Variants in ITGA11 observed in about 807,000 individuals in gnomAD.
ITGA11 encodes integrin alpha-11.
A neutral mutation model predicts 141.9 loss-of-function variants in ITGA11; 97 were observed. That is an observed-to-expected ratio of 0.68 (90% CI 0.58 to 0.81). The LOEUF (loss-of-function observed/expected upper bound fraction) is 0.81. Ranked by LOEUF, ITGA11 falls within the 30% of genes least tolerant of loss-of-function variation. The pLI is 0.00. For missense variants in ITGA11, 1,387 were observed against 1,559.2 expected (o/e 0.89, Z 1.86); for synonymous variants, 658 against 624.6 (o/e 1.05, Z -0.80).
At chr15:68,336,901 G>GTCAGGCTATAGGGTGTACAGA (rs1438696298) in intron 11 of ITGA11, among the ~76,000 whole-genome samples, 3 of 152,208 alleles carry the variant, frequency 2.0e-5, no homozygotes, top group African/African-American at 7.2e-5. Context: ...GTGCCTGGGG[G>GTCAGGCTATAGGGTGTACAGA]TGAACTGCTC....
chr15:68,362,431 G>A lies in ITGA11; in HGVS notation c.358-727C>T, dbSNP rs146071225. 2.3e-4 allele frequency among the ~76,000 whole-genome samples: 35 copies of A among 152,256 alleles called. 1 individual carries two copies. The highest frequency in any genetic ancestry group is 8.4e-4 in the African/African-American group (35 of 41,558). ...CTTTCTTTAATTACTTTCTTTTTAA[G>A]CTCAGATCTTAAAGGTTATGTTTTA... On this transcript the variant is annotated intron_variant, in intron 4 of 29. Transcript: ENST00000315757.
At chr15:68,392,034 T>C (rs1352601672) in intron 2 of ITGA11, among the ~76,000 whole-genome samples, 2 of 152,198 alleles carry the variant, frequency 1.3e-5, no homozygotes, top group South Asian at 2.1e-4. Flanking sequence ...AGTAAGTTCT[T>C]TGAGCACCTA....
intron 4 of ITGA11, chr15:68,362,044 CT>C: frequency 4.0e-6 from 1 of 249,436 alleles, no homozygotes; most frequent in Middle Eastern, 1.5e-3. Flanking sequence ...CTGGGGAAGC[CT>C]TTTCACCCAC....
chr15:68,413,002 G>A (rs1228544576), intron 1 of ITGA11, among the ~76,000 whole-genome samples: 1 of 152,088 alleles, frequency 6.6e-6, no homozygotes, highest in Non-Finnish European at 1.5e-5. Flanking sequence ...AGAACAAGCA[G>A]GAATTTTCCA....
chr15:68,387,368 G>A (rs1896011668), intron 2 of ITGA11, among the ~76,000 whole-genome samples: 2 of 152,170 alleles, frequency 1.3e-5, no homozygotes, highest in African/African-American at 4.8e-5. Flanking sequence ...CAACCGCTAA[G>A]TGTGTGGTTC....
intron 1 of ITGA11, among the ~76,000 whole-genome samples, chr15:68,403,869 T>C (rs1355081366): frequency 1.3e-5 from 2 of 151,992 alleles, no homozygotes; most frequent in African/African-American, 4.8e-5. Flanking sequence ...TCTTTATAAA[T>C]TACTCAGTCT....
intron 28 of ITGA11, among the ~76,000 whole-genome samples, chr15:68,306,360 G>A (rs575956692): frequency 3.1e-4 from 47 of 152,038 alleles, no homozygotes; most frequent in Middle Eastern, 3.4e-3. Flanking sequence ...GGGGGAGCGG[G>A]GGTGCCTGTA....
intron 2 of ITGA11, among the ~76,000 whole-genome samples, chr15:68,385,969 C>A (rs1276579297): frequency 6.6e-6 from 1 of 152,178 alleles, no homozygotes; most frequent in Non-Finnish European, 1.5e-5. Context: ...ACCTGCGCCT[C>A]CTGGGCCTGT....
At chr15:68,424,940 C>T (rs74022227) in intron 1 of ITGA11, among the ~76,000 whole-genome samples, 6,238 of 152,298 alleles carry the variant, frequency 0.041, 433 homozygotes, top group African/African-American at 0.14. Context: ...TAGAACTGCT[C>T]CACAGACACC....
At position 68,299,429 on chromosome 15, in the gene ITGA11, T is replaced by A. The variant is rs1272648625; in HGVS notation, c.*3630A>T. On this transcript the variant is annotated 3_prime_UTR_variant, in exon 30 of 30. Transcript: ENST00000315757. ...AAGATAGTAGGGGAGTTTTTTTTTT[T>A]TTTAAATTATAAGAAGGAGTGCAGG... 6.6e-6 allele frequency: 1 copy of A among 151,988 alleles called. No homozygotes were observed. The highest frequency in any genetic ancestry group is 1.5e-5 in the Non-Finnish European group (1 of 67,996). The allele number at this position is 151,988 out of a possible 1,614,324, so 9.4% of individuals were successfully genotyped here.
intron 2 of ITGA11, among the ~76,000 whole-genome samples, chr15:68,398,466 T>A (rs1392501252): frequency 5.3e-5 from 8 of 150,796 alleles, no homozygotes; most frequent in Admixed American, 2.0e-4. Context: ...CCTAAATATA[T>A]ATGCACCCAA....
At position 68,326,889 on chromosome 15, in the gene ITGA11, G is replaced by C. The variant is rs944599781; in HGVS notation, c.2069-93C>G. 14 of 1,379,494 alleles carry C rather than the reference G, an allele frequency of 1.0e-5. No individual in the cohort carries two copies. Among genetic ancestry groups the C allele is most frequent in the South Asian group, 1.5e-5 (1 of 68,190 alleles). 85.5% of individuals were successfully genotyped at this position (1,379,494 alleles called of 1,614,324 possible). A position where few individuals can be genotyped will look rare whatever the true frequency, so the allele number is the denominator to read the frequency against. On this transcript the variant is annotated intron_variant, in intron 16 of 29. Coordinates refer to ENST00000315757, the MANE Select transcript of ITGA11 (RefSeq NM_001004439.2). The surrounding 1 kb of genome is among the most constrained non-coding windows in gnomAD (Gnocchi z 6.8). The stretch of plus-strand genomic sequence containing the variant: ...TCCAGGAAGCCCCCCAGGCTGGCCA[G>C]GGGAGAGCTGTTCCTTTCCTCTCAC...
intron 3 of ITGA11, among the ~76,000 whole-genome samples, chr15:68,366,983 C>T (rs1348613606): frequency 6.6e-6 from 1 of 152,144 alleles, no homozygotes; most frequent in Non-Finnish European, 1.5e-5. Flanking sequence ...GTAGGAAAAC[C>T]CAGGACTCAG....
At chr15:68,352,968 C>T (rs1894961797) in intron 7 of ITGA11, among the ~76,000 whole-genome samples, 1 of 152,128 alleles carries the variant, frequency 6.6e-6, no homozygotes, top group South Asian at 2.1e-4. Flanking sequence ...AGGAGTCTGG[C>T]CCAGAAGTTA....
In ITGA11 at chr15:68,304,796, A is replaced by G. The variant is rs1312690288; in HGVS notation, c.3382-911T>C. Among the ~76,000 whole-genome samples the G allele has an allele frequency of 8.5e-5, 13 of 152,204 alleles. No individual in the cohort carries two copies. Among genetic ancestry groups the G allele is most frequent in the Admixed American group, 8.5e-4 (13 of 15,288 alleles). ...TGCTCAGGCCAGAAGCCATGTATCC[A>G]TCACTGACCCTAACTCTCACACCCA... is the stretch of plus-strand genomic sequence containing the variant. On this transcript the variant is annotated intron_variant, in intron 28 of 29. Coordinates refer to ENST00000315757, the MANE Select transcript of ITGA11 (RefSeq NM_001004439.2). This position sits in a 1 kb window ranked among gnomAD's most constrained non-coding sequence, Gnocchi z 6.1.
intron 9 of ITGA11, 54 bp from the exon 10 acceptor site, chr15:68,348,954 G>A (rs1238360226): frequency 6.1e-6 from 9 of 1,481,150 alleles, no homozygotes; most frequent in African/African-American, 1.4e-5. Context: ...CTTAGCGCCA[G>A]ACAGATCTGC....
intron 1 of ITGA11, among the ~76,000 whole-genome samples, chr15:68,411,167 C>G (rs1214771897): frequency 6.6e-6 from 1 of 152,230 alleles, no homozygotes; most frequent in Admixed American, 6.5e-5. Context: ...TCCACACAAT[C>G]TTCTCCCCAT....
chr15:68,419,749 C>G (rs186225653), intron 1 of ITGA11, among the ~76,000 whole-genome samples: 24 of 152,308 alleles, frequency 1.6e-4, no homozygotes, highest in Middle Eastern at 3.4e-3. Context: ...GATTCTGGCT[C>G]TCTTGTTTAG....
In ITGA11 at chr15:68,305,720, A is replaced by T. The variant is rs148180053; in HGVS notation, c.3381+1628T>A. On this transcript the variant is annotated intron_variant, in intron 28 of 29. Transcript: ENST00000315757. The surrounding 1 kb of genome is among the most constrained non-coding windows in gnomAD (Gnocchi z 4.6). ...GGGGACAGTGCCTCACAGTGTTGAG[A>T]GGTCTGTCACCATGTTCAGCACACA... is the stretch of plus-strand genomic sequence containing the variant. Among the ~76,000 whole-genome samples the T allele has an allele frequency of 1.4e-3, 212 of 152,270 alleles. 1 individual carries two copies. Among genetic ancestry groups the T allele is most frequent in the African/African-American group, 5.0e-3 (206 of 41,546 alleles).
Sources: gnomAD v4.1 joint callset for allele counts (sites outside exome capture counted in the v4.1 genomes callset) on GRCh38, gnomAD v4.1.1 for gene constraint, Gnocchi (gnomAD v3.1) non-coding constraint, MANE v1.5 for transcripts, NCBI Gene and HGNC (gene_info 2026-07-23, HGNC 2026-07-21) for gene names.